LRBA: variants seen among roughly 807,000 people sequenced by gnomAD.
The protein encoded by LRBA is LPS responsive beige-like anchor protein, also known as lipopolysaccharide-responsive and beige-like anchor protein.
A neutral mutation model predicts 330.0 loss-of-function variants in LRBA; 176 were observed. That is an observed-to-expected ratio of 0.53 (90% CI 0.47 to 0.60). The LOEUF is 0.60. Ranked by LOEUF, LRBA falls within the 20% of genes least tolerant of loss-of-function variation. The probability of loss-of-function intolerance (pLI) is 0.00; values close to 1 mark genes in which losing one functional copy is unlikely to be tolerated. For missense variants in LRBA, 3,259 were observed against 3,444.8 expected, an observed-to-expected ratio of 0.95 and a Z score of 1.35; for synonymous variants, 1,230 against 1,193.0, an observed-to-expected ratio of 1.03 and a Z score of -0.64.
chr4:150,415,335 C>A (rs749850270), intron 47 of LRBA, 103 bp downstream of exon 47: 8 of 946,846 alleles, frequency 8.4e-6, no homozygotes, highest in Non-Finnish European at 1.3e-5. Flanking sequence ...CTATCACCTA[C>A]AGCTTTGTCC....
chr4:150,508,406 C>T (rs1761418043), intron 40 of LRBA, among the ~76,000 whole-genome samples: 1 of 151,926 alleles, frequency 6.6e-6, no homozygotes, highest in Non-Finnish European at 1.5e-5. Flanking sequence ...CCTCAGCCTC[C>T]TGAGTAGCTG....
At chr4:150,760,460 C>T (rs561268146) in intron 35 of LRBA, among the ~76,000 whole-genome samples, 1 of 152,066 alleles carries the variant, frequency 6.6e-6, no homozygotes, top group South Asian at 2.1e-4. Flanking sequence ...TCTTTCCAAA[C>T]CCGAAATATC....
intron 2 of LRBA, among the ~76,000 whole-genome samples, chr4:150,957,688 C>G (rs1737685093): frequency 6.7e-6 from 1 of 149,026 alleles, no homozygotes; most frequent in African/African-American, 2.6e-5. Context: ...GCCTATGAAT[C>G]TGTAAAATCA....
intron 40 of LRBA, among the ~76,000 whole-genome samples, chr4:150,563,095 T>C (rs1170731396): frequency 6.6e-6 from 1 of 152,124 alleles, no homozygotes; most frequent in African/African-American, 2.4e-5. Context: ...CCACACCTGG[T>C]TGAAATAATT....
intron 47 of LRBA, among the ~76,000 whole-genome samples, chr4:150,409,194 A>AAG (rs1746615458): frequency 1.3e-5 from 2 of 152,090 alleles, no homozygotes; most frequent in Admixed American, 6.6e-5. Context: ...ACACAAGGAG[A>AAG]AGACAGCCAC....
At chr4:150,979,041 A>G (rs1740541377) in intron 2 of LRBA, among the ~76,000 whole-genome samples, 1 of 152,296 alleles carries the variant, frequency 6.6e-6, no homozygotes, top group East Asian at 1.9e-4. Flanking sequence ...TACAAGAAGG[A>G]TACAGAACAC....
Position 150,423,668 on chromosome 4 carries a change from G to A in LRBA, c.7042-8078C>T, listed in dbSNP as rs568210746. 4.6e-4 allele frequency: 121 copies of A among 262,976 alleles called. 1 individual carries two copies. The highest frequency in any genetic ancestry group is 7.9e-4 in the Non-Finnish European group (107 of 135,892). The allele number at this position is 262,976 out of a possible 1,614,324, so 16.3% of individuals were successfully genotyped here. On this transcript the variant is annotated intron_variant, in intron 46 of 56. Transcript: ENST00000651943. ...CCCAGCTCCGGGTGGGCAGCCCCTT[G>A]GCCCGACCCAGCACCACTGCACGCC... is the stretch of plus-strand genomic sequence containing the variant.
At chr4:150,441,127 T>A (rs760693761) in intron 44 of LRBA, among the ~76,000 whole-genome samples, 1 of 151,998 alleles carries the variant, frequency 6.6e-6, no homozygotes, top group Non-Finnish European at 1.5e-5. Context: ...TGATAATAAT[T>A]ATTATTTTTT....
chr4:150,816,788 G>T (rs969906494), intron 31 of LRBA, among the ~76,000 whole-genome samples: 3 of 151,636 alleles, frequency 2.0e-5, no homozygotes, highest in African/African-American at 4.8e-5. Flanking sequence ...TCTTATTTAG[G>T]CCACTATCTA....
chr4:150,349,015 T>C (rs577809693), intron 48 of LRBA, among the ~76,000 whole-genome samples: 1 of 152,284 alleles, frequency 6.6e-6, no homozygotes, highest in Non-Finnish European at 1.5e-5. Flanking sequence ...CCACAGTTTT[T>C]AAAACTGAAA....
chr4:150,805,182 A>AG, intron 33 of LRBA, among the ~76,000 whole-genome samples: 1 of 144,076 alleles, frequency 6.9e-6, no homozygotes, highest in East Asian at 2.0e-4. Context: ...GAAAAAAAAA[A>AG]GGAAGGAAGG....
At chr4:150,899,391 C>A (rs1309453461) in intron 14 of LRBA, among the ~76,000 whole-genome samples, 2 of 152,148 alleles carry the variant, frequency 1.3e-5, no homozygotes, top group African/African-American at 4.8e-5. Context: ...TGGTCATACT[C>A]AGAATACCTT....
At chr4:150,776,254 T>C (rs1312242932) in intron 34 of LRBA, among the ~76,000 whole-genome samples, 1 of 151,828 alleles carries the variant, frequency 6.6e-6, no homozygotes, top group Non-Finnish European at 1.5e-5. Flanking sequence ...GAGGCAGAGA[T>C]TGTAGGGAGC....
intron 37 of LRBA, among the ~76,000 whole-genome samples, chr4:150,618,674 A>G (rs2126615537): frequency 6.6e-6 from 1 of 152,194 alleles, no homozygotes; most frequent in South Asian, 2.1e-4. Flanking sequence ...GCAATAAACT[A>G]TATTATGTCC....
chr4:150,705,680 CA>C (rs1785548378), intron 36 of LRBA, among the ~76,000 whole-genome samples: 1 of 151,698 alleles, frequency 6.6e-6, no homozygotes, highest in Non-Finnish European at 1.5e-5. Flanking sequence ...TATGTAACAT[CA>C]AAAAAAGTAT....
chr4:150,374,157 T>C (rs1477203479), intron 47 of LRBA, among the ~76,000 whole-genome samples: 1 of 152,192 alleles, frequency 6.6e-6, no homozygotes, highest in Non-Finnish European at 1.5e-5. Context: ...CCCTTTTATG[T>C]ACGGATGAAA....
intron 37 of LRBA, among the ~76,000 whole-genome samples, chr4:150,660,478 TG>T (rs1165788915): frequency 7.0e-4 from 93 of 132,126 alleles, no homozygotes; most frequent in African/African-American, 1.9e-3. Context: ...GGGAGGGAGG[TG>T]GGGGGGGTCA....
chr4:150,745,610 G>A (rs576651898), intron 35 of LRBA, among the ~76,000 whole-genome samples: 5 of 152,142 alleles, frequency 3.3e-5, no homozygotes, highest in South Asian at 2.1e-4. Flanking sequence ...CTGGCTCCCT[G>A]GTTCAAGCAA....
intron 47 of LRBA, among the ~76,000 whole-genome samples, chr4:150,376,285 A>G (rs563679511): frequency 6.6e-6 from 1 of 152,314 alleles, no homozygotes; most frequent in African/African-American, 2.4e-5. Flanking sequence ...AATATTAGGT[A>G]GTTTATCTCA....
Sources: gnomAD v4.1 joint callset for allele counts (sites outside exome capture counted in the v4.1 genomes callset) on GRCh38, gnomAD v4.1.1 for gene constraint, MANE v1.5 for transcripts, NCBI Gene and HGNC (gene_info 2026-07-23, HGNC 2026-07-21) for gene names.